The following ATP9B variants were observed in gnomAD, a reference collection of about 807,000 sequenced individuals.
ATP9B encodes probable phospholipid-transporting ATPase IIB.
In ATP9B, 110 loss-of-function variants were observed where a neutral mutation model predicts 146.1. The ratio of observed to expected loss-of-function variants is 0.75; its 90% CI spans 0.65 to 0.88. The LOEUF is 0.88. Among genes scored for constraint, ATP9B ranks in the 40% least tolerant of loss-of-function variants. ATP9B has a pLI of 0.00. For missense variants in ATP9B, 1,499 were observed against 1,496.4 expected, an observed-to-expected ratio of 1.00 and a Z score of -0.03; for synonymous variants, 604 against 569.7, an observed-to-expected ratio of 1.06 and a Z score of -0.86.
intron 11 of ATP9B, among the ~76,000 whole-genome samples, chr18:79,219,923 C>T (rs2095662254): frequency 6.6e-6 from 1 of 152,168 alleles, no homozygotes; most frequent in Admixed American, 6.5e-5. Flanking sequence ...ACAATTTAGG[C>T]TCATACATTG....
At chr18:79,200,263 A>T (rs1259222234) in intron 9 of ATP9B, among the ~76,000 whole-genome samples, 1 of 152,180 alleles carries the variant, frequency 6.6e-6, no homozygotes, top group African/African-American at 2.4e-5. Flanking sequence ...TGTGCCATCC[A>T]CTGTCTACTG....
intron 11 of ATP9B, among the ~76,000 whole-genome samples, chr18:79,232,368 G>T (rs1040223047): frequency 6.6e-6 from 1 of 152,204 alleles, no homozygotes; most frequent in African/African-American, 2.4e-5. Context: ...CTGTGAAAGA[G>T]CAGCAAGGTG....
Position 79,113,364 on chromosome 18 carries a change from G to C in ATP9B, c.558+10G>C, listed in dbSNP as rs759273889. 2.8e-6 allele frequency: 4 copies of C among 1,421,906 alleles called. No individual in the cohort carries two copies. Among genetic ancestry groups the C allele is most frequent in the Middle Eastern group, 1.8e-4 (1 of 5,482 alleles). The allele number at this position is 1,421,906 out of a possible 1,614,324, so 88.1% of individuals were successfully genotyped here. On this transcript the variant is annotated intron_variant, in intron 4 of 29. Transcript: ENST00000426216. Reference sequence around the variant, plus strand: ...CTACTGGGCTCCTCTGGTAAGAAAAGACTTTAAAAATTAAGTTAAATTATG... The same window carrying C: ...CTACTGGGCTCCTCTGGTAAGAAAACACTTTAAAAATTAAGTTAAATTATG...
At chr18:79,317,941 A>G (rs547591397) in intron 15 of ATP9B, among the ~76,000 whole-genome samples, 51 of 152,386 alleles carry the variant, frequency 3.3e-4, no homozygotes, top group African/African-American at 1.2e-3. Flanking sequence ...CCTGCATGGC[A>G]GGGGATGTGT....
chr18:79,178,096 A>T (rs916967077), intron 8 of ATP9B, among the ~76,000 whole-genome samples: 2 of 152,028 alleles, frequency 1.3e-5, no homozygotes, highest in African/African-American at 4.8e-5. Flanking sequence ...GGCAGCTATT[A>T]AATAGTGAAG....
chr18:79,280,102 G>T (rs1017850988), intron 13 of ATP9B, among the ~76,000 whole-genome samples: 7 of 152,164 alleles, frequency 4.6e-5, no homozygotes, highest in African/African-American at 1.7e-4. Context: ...ATCAAAAATA[G>T]AATGGACCAA....
chr18:79,134,359 C>A (rs1568247824), intron 5 of ATP9B, among the ~76,000 whole-genome samples: 1 of 152,192 alleles, frequency 6.6e-6, no homozygotes, highest in Non-Finnish European at 1.5e-5. Context: ...ACATACATCC[C>A]ATGGCACCTG....
At chr18:79,350,477 C>T (rs1208665539) in intron 25 of ATP9B, among the ~76,000 whole-genome samples, 3 of 152,182 alleles carry the variant, frequency 2.0e-5, no homozygotes, top group Non-Finnish European at 4.4e-5. Flanking sequence ...CCCTCAGCCC[C>T]AGTATGAGGT....
At chr18:79,318,731 T>C (rs2096697146) in intron 15 of ATP9B, among the ~76,000 whole-genome samples, 1 of 152,268 alleles carries the variant, frequency 6.6e-6, no homozygotes, top group Non-Finnish European at 1.5e-5. Flanking sequence ...AGTTCAGATA[T>C]GTTTTAAGTG....
chr18:79,305,946 T>C (rs1312512400), intron 14 of ATP9B, among the ~76,000 whole-genome samples: 3 of 152,208 alleles, frequency 2.0e-5, no homozygotes, highest in African/African-American at 7.2e-5. Flanking sequence ...TTCATGGAAT[T>C]TGTGTGAAAT....
At chr18:79,233,854 G>C (rs1206020814) in intron 11 of ATP9B, among the ~76,000 whole-genome samples, 1 of 152,198 alleles carries the variant, frequency 6.6e-6, no homozygotes, top group Non-Finnish European at 1.5e-5. Flanking sequence ...AATATATACT[G>C]TATTCTTACA....
At chr18:79,295,523 T>C (rs2096541568) in intron 13 of ATP9B, among the ~76,000 whole-genome samples, 1 of 152,252 alleles carries the variant, frequency 6.6e-6, no homozygotes, top group African/African-American at 2.4e-5. Flanking sequence ...TTTTCACACA[T>C]GGCAAATTCC....
intron 12 of ATP9B, among the ~76,000 whole-genome samples, chr18:79,260,984 G>A (rs1427590723): frequency 2.0e-5 from 3 of 152,174 alleles, no homozygotes; most frequent in Non-Finnish European, 4.4e-5. Flanking sequence ...CAGATAGCTT[G>A]TTTTCTAGTT....
Position 79,109,141 on chromosome 18 carries a change from C to T in ATP9B, c.294-1214C>T, listed in dbSNP as rs536022501. On this transcript the variant is annotated intron_variant, in intron 2 of 29. Transcript: ENST00000426216. ...AAACATGAAGAATATTTGACTTATA[C>T]GGCAGGCTTTCTATTCTAGCCTTGA... is the stretch of plus-strand genomic sequence containing the variant. 7.2e-5 allele frequency among the ~76,000 whole-genome samples: 11 copies of T among 152,242 alleles called. No homozygotes were observed. In the East Asian group the frequency reaches 1.2e-3, roughly 16 times the overall value.
intron 6 of ATP9B, among the ~76,000 whole-genome samples, chr18:79,152,147 T>G (rs944106669): frequency 6.6e-6 from 1 of 152,192 alleles, no homozygotes; most frequent in Non-Finnish European, 1.5e-5. Context: ...CCAGTTAGAA[T>G]GGCAATCATT....
intron 21 of ATP9B, 107 bp downstream of exon 21, chr18:79,344,461 A>T: frequency 3.1e-6 from 3 of 963,734 alleles, no homozygotes; most frequent in Non-Finnish European, 4.9e-6. Context: ...ACCCTGAGTG[A>T]GTACATGTCT....
intron 4 of ATP9B, among the ~76,000 whole-genome samples, chr18:79,120,038 A>T (rs2094161399): frequency 6.6e-6 from 1 of 152,252 alleles, no homozygotes; most frequent in African/African-American, 2.4e-5. Flanking sequence ...TGCAAATTTG[A>T]AAATATGTAT....
rs775942533 is a variant in ATP9B, at chr18:79,214,039, G to A, written c.1107+1G>A. 3 of 1,594,808 alleles carry A rather than the reference G, an allele frequency of 1.9e-6. No individual in the cohort carries two copies. The South Asian group carries it at 3.4e-5, about 18-fold the overall frequency. On this transcript the variant is annotated splice_donor_variant, in intron 11 of 29. Transcript: ENST00000426216. LOFTEE classifies it high-confidence loss of function. ...GAACACATCCAATCCAAAAAATAAG[G>A]TAGGCTAGATTGAGGAGCAACTGCT...
intron 15 of ATP9B, among the ~76,000 whole-genome samples, chr18:79,310,882 G>A (rs1313021625): frequency 6.8e-6 from 1 of 146,174 alleles, no homozygotes; most frequent in Non-Finnish European, 1.5e-5. Flanking sequence ...CAGGCATGGT[G>A]GGTCATGCCT....
Sources: gnomAD v4.1 joint callset for allele counts (sites outside exome capture counted in the v4.1 genomes callset) on GRCh38, gnomAD v4.1.1 for gene constraint, MANE v1.5 for transcripts, NCBI Gene and HGNC (gene_info 2026-07-23, HGNC 2026-07-21) for gene names.